The following ADGRV1 variants were observed in gnomAD, a reference collection of about 807,000 sequenced individuals.
ADGRV1 encodes G-protein coupled receptor 98.
ADGRV1 carries 359 observed loss-of-function variants against 596.2 expected under a neutral mutation model. The observed-to-expected ratio is 0.60, with a 90% CI of 0.55 to 0.66. The LOEUF is 0.66. Among genes scored for constraint, ADGRV1 ranks in the 30% least tolerant of loss-of-function variants. ADGRV1 has a pLI of 0.00. For synonymous variants in ADGRV1, 2,681 were observed against 2,679.2 expected, an observed-to-expected ratio of 1.00 and a Z score of -0.02; for missense variants, 7,274 against 7,575.6, an observed-to-expected ratio of 0.96 and a Z score of 1.48.
intron 83 of ADGRV1, among the ~76,000 whole-genome samples, chr5:90,942,355 A>G (rs1432331865): frequency 1.3e-5 from 2 of 152,228 alleles, no homozygotes; most frequent in Non-Finnish European, 2.9e-5. Flanking sequence ...GTATTTGGAA[A>G]AGGCTATAAC....
At chr5:91,106,318 G>A (rs1791871408) in intron 87 of ADGRV1, among the ~76,000 whole-genome samples, 1 of 151,996 alleles carries the variant, frequency 6.6e-6, no homozygotes, top group African/African-American at 2.4e-5. Context: ...TGTTCCATTG[G>A]TCCATGTGTC....
chr5:90,733,227 C>A (rs974996775), intron 50 of ADGRV1, among the ~76,000 whole-genome samples: 1 of 152,176 alleles, frequency 6.6e-6, no homozygotes, highest in African/African-American at 2.4e-5. Context: ...AGTTATTATA[C>A]CTTGGCAACT....
intron 77 of ADGRV1, among the ~76,000 whole-genome samples, chr5:90,832,777 A>C (rs775775765): frequency 6.6e-6 from 1 of 152,190 alleles, no homozygotes; most frequent in Non-Finnish European, 1.5e-5. Flanking sequence ...CTTTCTGTGT[A>C]TGGTGAGAGA....
intron 84 of ADGRV1, among the ~76,000 whole-genome samples, chr5:90,984,104 T>C (rs1393667286): frequency 6.6e-6 from 1 of 152,234 alleles, no homozygotes; most frequent in African/African-American, 2.4e-5. Flanking sequence ...TTAATCTTTA[T>C]AATAACCTTG....
chr5:90,770,858 G>A (rs994946147), intron 59 of ADGRV1, among the ~76,000 whole-genome samples: 8 of 151,960 alleles, frequency 5.3e-5, no homozygotes, highest in South Asian at 2.1e-4. Flanking sequence ...ATTTTTATGC[G>A]TATCCAAACA....
rs768800843 is a variant in ADGRV1, at chr5:90,642,995, G to A, written c.2507G>A (p.Arg836Lys). The change falls in exon 13 of 90, where the codon AGG becomes AAG. Residue 836 changes from arginine to lysine, a missense_variant. Transcript: ENST00000405460. ...TGVLEFKPGE[R>K]EIVITLLARL... Reference sequence around the variant, plus strand: ...GTACTAGAATTTAAACCTGGAGAAAGGGAGATAGTGATCACCTTGCTAGCA... The same window carrying A: ...GTACTAGAATTTAAACCTGGAGAAAAGGAGATAGTGATCACCTTGCTAGCA... 1 of 1,613,572 alleles carries A rather than the reference G, an allele frequency of 6.2e-7. No individual in the cohort carries two copies. The highest frequency in any genetic ancestry group is 2.2e-5 in the East Asian group (1 of 44,864).
intron 78 of ADGRV1, among the ~76,000 whole-genome samples, chr5:90,842,249 T>C (rs1312089578): frequency 1.3e-5 from 2 of 152,194 alleles, no homozygotes; most frequent in African/African-American, 4.8e-5. Context: ...TCTTGACTGT[T>C]ACTAGTACTA....
At chr5:90,610,066 CAT>C (rs776977359) in intron 1 of ADGRV1, among the ~76,000 whole-genome samples, 54 of 151,864 alleles carry the variant, frequency 3.6e-4, no homozygotes, top group African/African-American at 1.2e-3. Context: ...GTTATTGAGA[CAT>C]AGAAAAAAAG....
chr5:90,625,005 G>A, intron 5 of ADGRV1, 125 bp from the exon 6 acceptor site: 1 of 637,140 alleles, frequency 1.6e-6, no homozygotes, highest in Non-Finnish European at 2.9e-6. Context: ...ATGATGTATG[G>A]GTTAGTGTAA....
chr5:90,827,474 G>T (rs1019355757), intron 76 of ADGRV1, among the ~76,000 whole-genome samples: 1 of 152,064 alleles, frequency 6.6e-6, no homozygotes, highest in Non-Finnish European at 1.5e-5. Context: ...TTTGTAGGTG[G>T]CTATAAGTAT....
chr5:91,073,108 T>C (rs925616672), intron 86 of ADGRV1, among the ~76,000 whole-genome samples: 4 of 152,212 alleles, frequency 2.6e-5, no homozygotes, highest in African/African-American at 9.6e-5. Flanking sequence ...CTAGTTCAAA[T>C]TGGCTTTCAC....
chr5:90,661,664 A>T (rs1284493470), intron 21 of ADGRV1, among the ~76,000 whole-genome samples: 1 of 152,138 alleles, frequency 6.6e-6, no homozygotes, highest in Non-Finnish European at 1.5e-5. Context: ...TGATCTGAAT[A>T]TTTGGCAAAT....
intron 76 of ADGRV1, among the ~76,000 whole-genome samples, chr5:90,824,726 C>T (rs921652797): frequency 6.6e-6 from 1 of 152,116 alleles, no homozygotes; most frequent in Non-Finnish European, 1.5e-5. Flanking sequence ...TATAATGAAA[C>T]CAATTTTACC....
rs770354078 is a variant in ADGRV1, at chr5:90,776,509, G to T, written c.12460G>T (p.Ala4154Ser). 1.2e-6 allele frequency: 2 copies of T among 1,613,218 alleles called. No individual in the cohort carries two copies. The highest frequency in any genetic ancestry group is 2.2e-5 in the South Asian group (2 of 91,074). The change falls in exon 61 of 90, where the codon GCT (alanine) becomes TCT (serine). Residue 4154 changes from alanine to serine, a missense_variant. Around this residue, in one of 5 missense-constraint regions of ADGRV1, gnomAD observed 3,643 missense variants for 3,809.2 expected, o/e 0.96. Coordinates refer to ENST00000405460, the MANE Select transcript of ADGRV1 (RefSeq NM_032119.4). ...DKRASGEVGI[A>S]PSSRHILIGE... is the part of the protein sequence containing the mutation. The stretch of plus-strand genomic sequence containing the variant: ...GCGAGCATCAGGAGAAGTTGGGATA[G>T]CTCCGTCATCTAGGCACATCCTCAT...
intron 85 of ADGRV1, among the ~76,000 whole-genome samples, chr5:90,995,874 G>A (rs1383144696): frequency 6.6e-6 from 1 of 152,130 alleles, no homozygotes; most frequent in Non-Finnish European, 1.5e-5. Flanking sequence ...CCGCTCTAGG[G>A]CTCTCTGGAA....
intron 50 of ADGRV1, 101 bp downstream of exon 50, chr5:90,729,865 T>C (rs1752311242): frequency 1.6e-6 from 2 of 1,222,016 alleles, no homozygotes; most frequent in Admixed American, 2.4e-5. Context: ...TGCCAGACAC[T>C]GGGTATTTTT....
Position 90,791,185 on chromosome 5 carries a change from A to T in ADGRV1, c.14356A>T (p.Asn4786Tyr), listed in dbSNP as rs760231170. The T allele has an allele frequency of 2.5e-6, 4 of 1,613,938 alleles. No homozygotes were observed. The highest frequency in any genetic ancestry group is 3.4e-6 in the Non-Finnish European group (4 of 1,179,882). Reference sequence around the variant, plus strand: ...GAACCTTATTAGATCCATCCAAATTAACATAACCCGGCTTGCTGGAACATT... The same window carrying T: ...GAACCTTATTAGATCCATCCAAATTTACATAACCCGGCTTGCTGGAACATT... Reference protein sequence around the residue: ...GQNLIRSIQINITRLAGTFGD... With the variant: ...GQNLIRSIQIYITRLAGTFGD... The change falls in exon 70 of 90, where the codon AAC (asparagine) becomes TAC (tyrosine). Residue 4786 changes from asparagine (N) to tyrosine (Y), a missense_variant. Coordinates refer to ENST00000405460, the MANE Select transcript of ADGRV1 (RefSeq NM_032119.4).
At chr5:91,067,218 C>T (rs1428409138) in intron 85 of ADGRV1, among the ~76,000 whole-genome samples, 1 of 97,978 alleles carries the variant, frequency 1.0e-5, no homozygotes, top group Non-Finnish European at 2.5e-5. Context: ...GATCTCAGCT[C>T]ACCACAACCT....
chr5:90,946,157 G>A (rs1023016979), intron 83 of ADGRV1, among the ~76,000 whole-genome samples: 4 of 151,958 alleles, frequency 2.6e-5, no homozygotes, highest in Non-Finnish European at 5.9e-5. Context: ...GGAAGAGCAC[G>A]TGCAAAGAAT....
Sources: gnomAD v4.1 joint callset for allele counts (sites outside exome capture counted in the v4.1 genomes callset) on GRCh38, gnomAD v4.1.1 for gene constraint, gnomAD v4.1.1 regional missense constraint, MANE v1.5 for transcripts, NCBI Gene and HGNC (gene_info 2026-07-23, HGNC 2026-07-21) for gene names.